Variants in LOC400499 observed in about 807,000 individuals in gnomAD.
the LOC400499 span, among the ~76,000 whole-genome samples, chr16:11,481,821 G>A: frequency 6.6e-6 from 1 of 152,000 alleles, no homozygotes; most frequent in Non-Finnish European, 1.5e-5. Flanking sequence ...CTTTAGTAGA[G>A]ACAGGGTATC....
chr16:11,395,737 A>G, the LOC400499 span, among the ~76,000 whole-genome samples: 2 of 152,214 alleles, frequency 1.3e-5, no homozygotes, highest in African/African-American at 4.8e-5. Flanking sequence ...TCAGCAAACG[A>G]AAGTCACGAG....
At chr16:11,447,173 G>C in the LOC400499 span, among the ~76,000 whole-genome samples, 60 of 152,230 alleles carry the variant, frequency 3.9e-4, no homozygotes, top group Admixed American at 3.9e-3. Context: ...CAAGAGGATA[G>C]ATGACACACA....
chr16:11,497,544 G>A, the LOC400499 span, among the ~76,000 whole-genome samples: 3 of 152,226 alleles, frequency 2.0e-5, no homozygotes, highest in Non-Finnish European at 2.9e-5. Flanking sequence ...GCCTGTCCCA[G>A]ACCAAAGCTG....
chr16:11,403,096 C>T, the LOC400499 span, among the ~76,000 whole-genome samples: 2 of 151,994 alleles, frequency 1.3e-5, no homozygotes, highest in Admixed American at 6.5e-5. Flanking sequence ...TCACTTGACC[C>T]CATCTCCTGA....
the LOC400499 span, among the ~76,000 whole-genome samples, chr16:11,388,327 G>A: frequency 3.9e-5 from 6 of 152,166 alleles, no homozygotes; most frequent in East Asian, 1.9e-4. Flanking sequence ...CATTCTGACC[G>A]CAGGAAGGCA....
chr16:11,394,260 C>T, the LOC400499 span, among the ~76,000 whole-genome samples: 147 of 152,294 alleles, frequency 9.7e-4, no homozygotes, highest in East Asian at 2.5e-3. Flanking sequence ...CTTGGGGGCA[C>T]GGCAGGGACC....
At chr16:11,493,136 A>T in the LOC400499 span, among the ~76,000 whole-genome samples, 1 of 152,128 alleles carries the variant, frequency 6.6e-6, no homozygotes, top group Non-Finnish European at 1.5e-5. Flanking sequence ...CTGGGAAGTC[A>T]ATGAAGGGAC....
chr16:11,376,945 T>TTTG, the LOC400499 span, among the ~76,000 whole-genome samples: 1 of 151,386 alleles, frequency 6.6e-6, no homozygotes, highest in Non-Finnish European at 1.5e-5. Context: ...AATGGACTTT[T>TTTG]TTTTTTTTTT....
chr16:11,437,979 C>G, the LOC400499 span, among the ~76,000 whole-genome samples: 1 of 152,210 alleles, frequency 6.6e-6, no homozygotes, highest in Non-Finnish European at 1.5e-5. Context: ...ATCGCATGCG[C>G]TCTGAAACCA....
chr16:11,393,343 C>G, the LOC400499 span: 1 of 1,227,156 alleles, frequency 8.1e-7, no homozygotes. Flanking sequence ...CTTGAGCCAA[C>G]AGGGGCCGTG....
At chr16:11,413,239 C>T in the LOC400499 span, among the ~76,000 whole-genome samples, 10 of 152,054 alleles carry the variant, frequency 6.6e-5, no homozygotes, top group South Asian at 2.1e-4. Context: ...CACCTGACCT[C>T]GAGGCCAGGA....
At chr16:11,474,776 G>T in the LOC400499 span, among the ~76,000 whole-genome samples, 1 of 152,136 alleles carries the variant, frequency 6.6e-6, no homozygotes, top group African/African-American at 2.4e-5. Context: ...GGCTGAGATG[G>T]GAGGACCACT....
chr16:11,411,012 C>G, the LOC400499 span, among the ~76,000 whole-genome samples: 1 of 152,382 alleles, frequency 6.6e-6, no homozygotes, highest in Non-Finnish European at 1.5e-5. Context: ...TCCCCCATCT[C>G]CCAAAGGGCT....
the LOC400499 span, chr16:11,478,833 ATG>A: frequency 7.6e-6 from 3 of 396,876 alleles, no homozygotes; most frequent in East Asian, 1.1e-4. Flanking sequence ...TGACTGAATC[ATG>A]GGGGCGGGTC....
At chr16:11,416,378 AATCCTCACTCCGTC>A in the LOC400499 span, among the ~76,000 whole-genome samples, 5 of 152,086 alleles carry the variant, frequency 3.3e-5, no homozygotes, top group Non-Finnish European at 5.9e-5. Context: ...CTCTGGGTTC[AATCCTCACTCCGTC>A]ATTACCAGCT....
the LOC400499 span, among the ~76,000 whole-genome samples, chr16:11,491,271 T>A: frequency 6.6e-6 from 1 of 152,188 alleles, no homozygotes; most frequent in Non-Finnish European, 1.5e-5. Context: ...TGAATTTACA[T>A]CTTTGCGTTC....
the LOC400499 span, among the ~76,000 whole-genome samples, chr16:11,390,858 T>C: frequency 6.6e-6 from 1 of 152,196 alleles, no homozygotes; most frequent in Non-Finnish European, 1.5e-5. Flanking sequence ...ATAAAAACCC[T>C]GGGTGCTGAG....
At chr16:11,424,435 G>A in the LOC400499 span, 6 of 398,682 alleles carry the variant, frequency 1.5e-5, no homozygotes, top group South Asian at 1.3e-4. Context: ...GGAACATGAC[G>A]GGGGCCTGGC....
At chr16:11,463,799 T>C in the LOC400499 span, among the ~76,000 whole-genome samples, 1 of 151,954 alleles carries the variant, frequency 6.6e-6, no homozygotes, top group Non-Finnish European at 1.5e-5. Flanking sequence ...ATATGGATGT[T>C]TGTGTGTATG....
Sources: allele counts gnomAD v4.1 joint callset (sites outside exome capture counted in the v4.1 genomes callset), GRCh38; gene constraint gnomAD v4.1.1; transcripts MANE v1.5.